Variants in BAIAP2 observed in about 807,000 individuals in gnomAD.
BAIAP2 encodes BAR/IMD domain containing adaptor protein 2.
Under a neutral mutation model 63.0 loss-of-function variants are expected in BAIAP2, and 18 were observed. The observed-to-expected ratio is 0.29, with a 90% CI of 0.20 to 0.42. The LOEUF (loss-of-function observed/expected upper bound fraction) is 0.42. BAIAP2 is among the 10% of genes least tolerant of loss of function. The pLI, the probability that BAIAP2 is intolerant of heterozygous loss-of-function variation, is 1.00. For missense variants in BAIAP2, 610 were observed against 734.3 expected (o/e 0.83, Z 1.96); for synonymous variants, 386 against 307.6 (o/e 1.25, Z -2.67).
chr17:81,079,980 C>T (rs1440674643), intron 3 of BAIAP2, among the ~76,000 whole-genome samples: 1 of 152,164 alleles, frequency 6.6e-6, no homozygotes, highest in Non-Finnish European at 1.5e-5. Flanking sequence ...CGCATGGCCT[C>T]ACGTCTCACC....
chr17:81,068,146 C>G (rs2051855060), intron 3 of BAIAP2, among the ~76,000 whole-genome samples: 1 of 152,234 alleles, frequency 6.6e-6, no homozygotes. Context: ...CTGGCAGACA[C>G]TGGTCGCAGC....
At position 81,104,619 on chromosome 17, in the gene BAIAP2, G is replaced by A; in HGVS notation, c.1172G>A (p.Ser391Asn). ...TTCTCCCACGCTGCTGGGGACAACA[G>A]CACCCTCCTGAGCTTCAAGGAGGGT... Reference protein sequence around the residue: ...AIFSHAAGDNSTLLSFKEGDL... With the variant: ...AIFSHAAGDNNTLLSFKEGDL... The change falls in exon 10 of 14, where the codon AGC (serine) becomes AAC (asparagine). Residue 391 changes from serine to asparagine, a missense_variant. Transcript: ENST00000428708. The A allele has an allele frequency of 6.2e-7, 1 of 1,612,108 alleles. No homozygotes were observed. Among genetic ancestry groups the A allele is most frequent in the Non-Finnish European group, 8.5e-7 (1 of 1,179,692 alleles).
At chr17:81,062,373 CTG>C (rs548191992) in intron 3 of BAIAP2, among the ~76,000 whole-genome samples, 3 of 150,880 alleles carry the variant, frequency 2.0e-5, no homozygotes, top group Admixed American at 6.6e-5. Flanking sequence ...TATTATGACT[CTG>C]TGGTATTTAT....
intron 1 of BAIAP2, chr17:81,037,023 C>T: frequency 2.8e-6 from 4 of 1,406,076 alleles, no homozygotes; most frequent in Non-Finnish European, 3.9e-6. Context: ...TAATAAAACT[C>T]TCCTAACCGG....
chr17:81,085,503 G>A (rs1300478587), intron 4 of BAIAP2, 151 bp from the exon 5 acceptor site: 3 of 714,762 alleles, frequency 4.2e-6, no homozygotes, highest in South Asian at 3.0e-5. Context: ...GGGCATGCGG[G>A]GCCACAGCTC....
intron 13 of BAIAP2, among the ~76,000 whole-genome samples, chr17:81,112,798 C>G (rs892938457): frequency 2.6e-5 from 4 of 152,222 alleles, no homozygotes; most frequent in Non-Finnish European, 5.9e-5. Context: ...CACCTGTAAT[C>G]CCAGCACTTA....
intron 3 of BAIAP2, among the ~76,000 whole-genome samples, chr17:81,080,167 C>T (rs1358682420): frequency 6.6e-6 from 1 of 152,228 alleles, no homozygotes; most frequent in East Asian, 1.9e-4. Context: ...GCTCCATGTG[C>T]CCCGTCCTTC....
At chr17:81,052,309 C>T (rs1297006548) in intron 1 of BAIAP2, among the ~76,000 whole-genome samples, 6 of 152,366 alleles carry the variant, frequency 3.9e-5, no homozygotes, top group African/African-American at 7.2e-5. Flanking sequence ...TGCCTTCCCT[C>T]GGGAGATGTT....
At chr17:81,105,966 C>T in intron 10 of BAIAP2, 112 bp from the exon 11 acceptor site, 3 of 883,572 alleles carry the variant, frequency 3.4e-6, no homozygotes, top group East Asian at 2.7e-5. Context: ...GCTCCAGAGA[C>T]AGCCGCGCAG....
intron 1 of BAIAP2, among the ~76,000 whole-genome samples, chr17:81,052,834 G>T (rs2048886551): frequency 1.3e-5 from 2 of 152,202 alleles, no homozygotes; most frequent in Non-Finnish European, 2.9e-5. Flanking sequence ...GGGCTGGGCG[G>T]CTTCCCTTCC....
intron 1 of BAIAP2, chr17:81,036,755 G>A: frequency 2.1e-6 from 2 of 940,318 alleles, no homozygotes; most frequent in Non-Finnish European, 3.2e-6. Flanking sequence ...CAGAGTCTGT[G>A]GCATACGGTT....
rs2060551608 is a variant in BAIAP2, at chr17:81,116,605, C to T, written c.*766C>T. On this transcript the variant is annotated 3_prime_UTR_variant, in exon 14 of 14. Transcript: ENST00000428708. ...GCCCGCTGGCAGGTGGGGGCTTCCCCGCTTCCGGGGTCTGCCCCAGGACTC... is the reference window on the plus strand; with the variant it reads ...GCCCGCTGGCAGGTGGGGGCTTCCCTGCTTCCGGGGTCTGCCCCAGGACTC... 3 of 450,242 alleles carry T rather than the reference C, an allele frequency of 6.7e-6. No individual in the cohort carries two copies. The highest frequency in any genetic ancestry group is 3.8e-5 in the East Asian group (1 of 26,056). 27.9% of individuals were successfully genotyped at this position (450,242 alleles called of 1,614,324 possible).
intron 3 of BAIAP2, among the ~76,000 whole-genome samples, chr17:81,066,304 G>C (rs1479712777): frequency 1.3e-5 from 2 of 152,244 alleles, no homozygotes; most frequent in African/African-American, 2.4e-5. Flanking sequence ...GGAGCTCCCT[G>C]TTGGGCCAGC....
intron 13 of BAIAP2, among the ~76,000 whole-genome samples, chr17:81,113,942 C>A (rs1279914371): frequency 1.3e-5 from 2 of 150,552 alleles, no homozygotes; most frequent in African/African-American, 2.4e-5. Context: ...ATCTAGGACC[C>A]TTCTCTGGGA....
At chr17:81,038,741 C>T (rs1476477801) in intron 1 of BAIAP2, among the ~76,000 whole-genome samples, 1 of 152,198 alleles carries the variant, frequency 6.6e-6, no homozygotes, top group African/African-American at 2.4e-5. Flanking sequence ...TGCTCCGTGC[C>T]CGGCTGCCCG....
chr17:81,107,957 A>C, intron 12 of BAIAP2: 1 of 164,398 alleles, frequency 6.1e-6, no homozygotes, highest in Admixed American at 5.8e-5. Flanking sequence ...TGAAGGGCAC[A>C]GCCAGCCCCA....
intron 6 of BAIAP2, among the ~76,000 whole-genome samples, chr17:81,093,008 CG>C (rs1215006762): frequency 6.6e-6 from 1 of 151,222 alleles, no homozygotes; most frequent in Non-Finnish European, 1.5e-5. Context: ...GAGCAGGGCC[CG>C]GGGGACGTGT....
At chr17:81,093,229 C>G (rs1289622736) in intron 6 of BAIAP2, among the ~76,000 whole-genome samples, 1 of 152,008 alleles carries the variant, frequency 6.6e-6, no homozygotes, top group African/African-American at 2.4e-5. Flanking sequence ...CAGCCGGGCC[C>G]CTGCTCAGAA....
At chr17:81,055,296 C>T (rs1012135829) in intron 2 of BAIAP2, among the ~76,000 whole-genome samples, 4 of 152,200 alleles carry the variant, frequency 2.6e-5, no homozygotes, top group African/African-American at 9.6e-5. Flanking sequence ...TTCTCAGCTC[C>T]CCAGGTGGAC....
Sources: gnomAD v4.1 joint callset for allele counts (sites outside exome capture counted in the v4.1 genomes callset) on GRCh38, gnomAD v4.1.1 for gene constraint, MANE v1.5 for transcripts, NCBI Gene and HGNC (gene_info 2026-07-23, HGNC 2026-07-21) for gene names.